KCNN1: variants seen among roughly 807,000 people sequenced by gnomAD.
The protein encoded by KCNN1 is small conductance calcium-activated potassium channel protein 1.
A neutral mutation model predicts 44.7 loss-of-function variants in KCNN1; 20 were observed. The ratio of observed to expected loss-of-function variants is 0.45; its 90% CI spans 0.32 to 0.65. KCNN1 has a LOEUF of 0.65. KCNN1 is among the 30% of genes least tolerant of loss of function. KCNN1 has a pLI of 0.05. For missense variants in KCNN1, 632 were observed against 785.3 expected, an observed-to-expected ratio of 0.80 and a Z score of 2.33; for synonymous variants, 324 against 341.7, an observed-to-expected ratio of 0.95 and a Z score of 0.57.
At chr19:17,969,642 G>C (rs1456800960) in intron 1 of KCNN1, among the ~76,000 whole-genome samples, 1 of 152,186 alleles carries the variant, frequency 6.6e-6, no homozygotes, top group Admixed American at 6.5e-5. Context: ...CCCATGCGTC[G>C]GGTGGCTGAG....
At chr19:17,968,272 C>T (rs2031888501) in intron 1 of KCNN1, among the ~76,000 whole-genome samples, 2 of 151,960 alleles carry the variant, frequency 1.3e-5, no homozygotes, top group African/African-American at 2.4e-5. Flanking sequence ...GGAGCAGGGG[C>T]GGTCTGCCTT....
intron 7 of KCNN1, among the ~76,000 whole-genome samples, chr19:17,990,472 A>C (rs563860839): frequency 7.0e-6 from 1 of 142,872 alleles, no homozygotes; most frequent in East Asian, 2.1e-4. Flanking sequence ...ACAAAGTGAG[A>C]CCTTGTCTCA....
rs73024631 is a variant in KCNN1, at chr19:17,986,810, G to A, written c.1059+1357G>A. The stretch of plus-strand genomic sequence containing the variant: ...CTGCACCTGGCCCATGCCTGACTTT[G>A]TTTTTTTCCTCATTGAGATGGAGTC... On this transcript the variant is annotated intron_variant, in intron 5 of 9. Transcript: ENST00000684775. 6.6e-5 allele frequency among the ~76,000 whole-genome samples: 10 copies of A among 151,156 alleles called. No homozygotes were observed. In the South Asian group the frequency reaches 2.1e-3, roughly 32 times the overall value.
intron 7 of KCNN1, among the ~76,000 whole-genome samples, chr19:17,991,260 T>C (rs1367087772): frequency 6.6e-6 from 1 of 152,108 alleles, no homozygotes; most frequent in Non-Finnish European, 1.5e-5. Context: ...GCAACCAGCC[T>C]GGGCAACAAA....
chr19:17,987,937 C>T (rs531302218), intron 5 of KCNN1, among the ~76,000 whole-genome samples: 1 of 150,992 alleles, frequency 6.6e-6, no homozygotes, highest in African/African-American at 2.4e-5. Flanking sequence ...GTCAGGAGTT[C>T]GAGACCAGCC....
intron 4 of KCNN1, among the ~76,000 whole-genome samples, chr19:17,984,323 A>C (rs1473693663): frequency 6.6e-6 from 1 of 151,960 alleles, no homozygotes; most frequent in Admixed American, 6.6e-5. Context: ...CTGGAGCCTG[A>C]CCCCAGCCCT....
At chr19:17,987,068 AG>A (rs568901032) in intron 5 of KCNN1, among the ~76,000 whole-genome samples, 132 of 150,522 alleles carry the variant, frequency 8.8e-4, no homozygotes, top group African/African-American at 3.1e-3. Context: ...CAGCCTCCCA[AG>A]GTGCTGGGAT....
rs983978900 is a variant in KCNN1, at chr19:17,993,310, G to C, written c.1308-180G>C. 9.9e-5 allele frequency among the ~76,000 whole-genome samples: 15 copies of C among 152,270 alleles called. No individual in the cohort carries two copies. The highest frequency in any genetic ancestry group is 4.1e-4 in the South Asian group (2 of 4,832). On this transcript the variant is annotated intron_variant, in intron 8 of 9. Transcript: ENST00000684775. This position sits in a 1 kb window ranked among gnomAD's most constrained non-coding sequence, Gnocchi z 4.5. ...GGTGGCCAGGCTGACTTCTGGCCCT[G>C]GCGCACCGGCTGTGTACTGGGAGGG...
Position 17,998,413 on chromosome 19 carries a change from T to C in KCNN1, c.*7T>C. 6.8e-7 allele frequency: 1 copy of C among 1,466,664 alleles called. No individual in the cohort carries two copies. The highest frequency in any genetic ancestry group is 9.0e-7 in the Non-Finnish European group (1 of 1,116,086). The allele number at this position is 1,466,664 out of a possible 1,614,324, so 90.9% of individuals were successfully genotyped here. A position where few individuals can be genotyped will look rare whatever the true frequency, so the allele number is the denominator to read the frequency against. On this transcript the variant is annotated 3_prime_UTR_variant, in exon 10 of 10. Transcript: ENST00000684775. This position sits in a 1 kb window ranked among gnomAD's most constrained non-coding sequence, Gnocchi z 5.4. ...CCCCTCGGACTGCGGGTGACGGCCC[T>C]GCCCGCCACCAGACCCCTAAATCTT...
chr19:17,974,973 C>G lies in KCNN1; in HGVS notation c.403-119C>G. ...GAAATTCAGGGTACAGTGGGAGAAG[C>G]CACTGGGAAGAGCCCCATTTAGCTG... On this transcript the variant is annotated intron_variant, in intron 2 of 9. Transcript: ENST00000684775. The surrounding 1 kb of genome is among the most constrained non-coding windows in gnomAD (Gnocchi z 7.3). 1.4e-6 allele frequency: 1 copy of G among 723,028 alleles called. No individual in the cohort carries two copies. The highest frequency in any genetic ancestry group is 2.4e-6 in the Non-Finnish European group (1 of 408,828). The allele number at this position is 723,028 out of a possible 1,614,324, so 44.8% of individuals were successfully genotyped here. A position where few individuals can be genotyped will look rare whatever the true frequency, so the allele number is the denominator to read the frequency against.
rs566203475 is a variant in KCNN1 at position 17,983,273 on chromosome 19, C to T, written c.917+1146C>T. Reference sequence around the variant, plus strand: ...CCTTATCTGGGAGAGGGTCTCCCTGCCATGCGCCTAGCTGGTGGAGGCCCT... The same window carrying T: ...CCTTATCTGGGAGAGGGTCTCCCTGTCATGCGCCTAGCTGGTGGAGGCCCT... On this transcript the variant is annotated intron_variant, in intron 4 of 9. Transcript: ENST00000684775. This position sits in a 1 kb window ranked among gnomAD's most constrained non-coding sequence, Gnocchi z 4.5. 6.6e-6 allele frequency among the ~76,000 whole-genome samples: 1 copy of T among 152,072 alleles called. No homozygotes were observed. Among genetic ancestry groups the T allele is most frequent in the Non-Finnish European group, 1.5e-5 (1 of 67,978 alleles).
rs527690149 is a variant in KCNN1, at chr19:17,984,162, C to CAA, written c.918-1138_918-1137dup. Among the ~76,000 whole-genome samples, 9 of 139,324 alleles carry CAA rather than the reference C, an allele frequency of 6.5e-5. No homozygotes were observed. The East Asian group carries it at 1.0e-3, about 16-fold the overall frequency. The allele number at this position is 139,324 out of a possible 152,430, so 91.4% of individuals were successfully genotyped here. On this transcript the variant is annotated intron_variant, in intron 4 of 9. Coordinates refer to ENST00000684775, the MANE Select transcript of KCNN1 (RefSeq NM_001386974.1). ...TGGGCAACAGAGAGAGATATTGTCT[C>CAA]AAAAAAAAAAAAAGATAGGGTCAGT...
At chr19:17,967,983 C>G (rs1050166536) in intron 1 of KCNN1, among the ~76,000 whole-genome samples, 1 of 151,326 alleles carries the variant, frequency 6.6e-6, no homozygotes, top group Non-Finnish European at 1.5e-5. Context: ...CAGCGCCTTG[C>G]TGCACTGGCT....
chr19:17,975,003 C>A, intron 2 of KCNN1, 89 bp from the exon 3 acceptor site: 1 of 981,426 alleles, frequency 1.0e-6, no homozygotes, highest in Non-Finnish European at 1.6e-6. Context: ...TAGCTGACTC[C>A]CATGCCCGGG....
At chr19:17,992,040 G>C (rs1424276267) in intron 7 of KCNN1, among the ~76,000 whole-genome samples, 1 of 152,148 alleles carries the variant, frequency 6.6e-6, no homozygotes, top group Non-Finnish European at 1.5e-5. Context: ...AGTACAAAAG[G>C]CTGGGCGCGG....
At chr19:17,972,902 T>G (rs1372233991) in intron 1 of KCNN1, among the ~76,000 whole-genome samples, 1 of 152,152 alleles carries the variant, frequency 6.6e-6, no homozygotes, top group African/African-American at 2.4e-5. Flanking sequence ...TTGTTCTAGG[T>G]GCTTGGATAC....
chr19:17,979,750 G>C (rs919806553), intron 3 of KCNN1, among the ~76,000 whole-genome samples: 1 of 152,248 alleles, frequency 6.6e-6, no homozygotes, highest in Admixed American at 6.5e-5. Flanking sequence ...TGTGCGAGCG[G>C]AGGAGGCCCC....
intron 3 of KCNN1, among the ~76,000 whole-genome samples, chr19:17,977,417 C>T (rs1265668134): frequency 6.6e-6 from 1 of 151,902 alleles, no homozygotes; most frequent in African/African-American, 2.4e-5. Flanking sequence ...TCACAGATCA[C>T]TGCAGCCTCG....
chr19:17,997,311 C>T (rs550074822), intron 9 of KCNN1, among the ~76,000 whole-genome samples: 3 of 152,296 alleles, frequency 2.0e-5, no homozygotes, highest in South Asian at 2.1e-4. Flanking sequence ...CATGTCCCCA[C>T]GCTCCTGCTG....
Sources: gnomAD v4.1 joint callset for allele counts (sites outside exome capture counted in the v4.1 genomes callset) on GRCh38, gnomAD v4.1.1 for gene constraint, Gnocchi (gnomAD v3.1) non-coding constraint, MANE v1.5 for transcripts, NCBI Gene and HGNC (gene_info 2026-07-23, HGNC 2026-07-21) for gene names.